Variants in NDST1 observed in about 807,000 individuals in gnomAD.
NDST1 encodes the protein N-deacetylase and N-sulfotransferase 1, also known as bifunctional heparan sulfate N-deacetylase/N-sulfotransferase 1.
In NDST1, 35 loss-of-function variants were observed where a neutral mutation model predicts 92.8. The ratio of observed to expected loss-of-function variants is 0.38; its 90% CI spans 0.29 to 0.50. NDST1 has a LOEUF of 0.50. Among genes scored for constraint, NDST1 ranks in the 20% least tolerant of loss-of-function variants. The pLI is 0.94. For missense variants in NDST1, 822 were observed against 1,182.7 expected (o/e 0.69, Z 4.47); for synonymous variants, 493 against 500.3 (o/e 0.99, Z 0.19).
At chr5:150,518,779 A>G (rs1233460140) in intron 1 of NDST1, 1 of 143,038 alleles carries the variant, frequency 7.0e-6, no homozygotes, top group Non-Finnish European at 1.5e-5. Context: ...TTGTATTATA[A>G]TTGCTTTTTT....
chr5:150,549,546 G>A (rs1755633024), intron 12 of NDST1, 132 bp from the exon 13 acceptor site: 4 of 699,786 alleles, frequency 5.7e-6, no homozygotes, highest in Non-Finnish European at 1.1e-5. Flanking sequence ...CCCTTCAACA[G>A]GGGAGGAGGA....
chr5:150,511,670 T>C lies in NDST1; in HGVS notation c.-388+3444T>C, dbSNP rs550535199. Among the ~76,000 whole-genome samples, 240 of 152,100 alleles carry C rather than the reference T, an allele frequency of 1.6e-3. 2 individuals carry two copies. The highest frequency in any genetic ancestry group is 5.5e-3 in the African/African-American group (229 of 41,474). ...CCAACAGTCTCTTTCCCGGTGGTGG[T>C]GGTCCTGGACTCTGGGGTGACTGAC... On this transcript the variant is annotated intron_variant, in intron 1 of 14. Transcript: ENST00000261797.
In NDST1 at chr5:150,527,809, T is replaced by C. The variant is rs1266171139; in HGVS notation, c.519T>C (p.Asn173=). 6.2e-7 allele frequency: 1 copy of C among 1,612,976 alleles called. No individual in the cohort carries two copies. The highest frequency in any genetic ancestry group is 8.5e-7 in the Non-Finnish European group (1 of 1,179,234). ...CTGCCCTCCATTGACTGCAGGCCAA[T>C]GAGAACAGCCTGCTGAGTGCGCAGC... ...GVGIIGFFKA[N]ENSLLSAQLK... The change falls in exon 3 of 15, where the codon AAT becomes AAC. Residue 173 remains asparagine (N), a synonymous_variant. Coordinates refer to ENST00000261797, the MANE Select transcript of NDST1 (RefSeq NM_001543.5).
chr5:150,539,985 T>C, intron 7 of NDST1, 97 bp from the exon 8 acceptor site: 1 of 1,494,014 alleles, frequency 6.7e-7, no homozygotes, highest in Non-Finnish European at 9.3e-7. Flanking sequence ...ATCAGGAGCC[T>C]TGCAAGCTAA....
intron 1 of NDST1, among the ~76,000 whole-genome samples, chr5:150,498,484 G>C (rs1176741546): frequency 6.6e-6 from 1 of 152,188 alleles, no homozygotes; most frequent in Non-Finnish European, 1.5e-5. Context: ...ACTCTGTGCT[G>C]GGCTTTCTAG....
At chr5:150,543,571 C>CT (rs1755343065) in intron 10 of NDST1, among the ~76,000 whole-genome samples, 1 of 152,110 alleles carries the variant, frequency 6.6e-6, no homozygotes, top group South Asian at 2.1e-4. Context: ...TTTTTTCTTT[C>CT]TTTTTAAAAA....
In NDST1 at chr5:150,525,653, G is replaced by A. The variant is rs558198951; in HGVS notation, c.514-2151G>A. 3.3e-5 allele frequency among the ~76,000 whole-genome samples: 5 copies of A among 152,314 alleles called. No homozygotes were observed. In the South Asian group the frequency reaches 8.3e-4, roughly 25 times the overall value. On this transcript the variant is annotated intron_variant, in intron 2 of 14. Coordinates refer to ENST00000261797, the MANE Select transcript of NDST1 (RefSeq NM_001543.5). ...ACTTAATGTGGTTTACAAGGCCAGG[G>A]CCCTGCAGAGCCTTTTTGGGAATTA...
chr5:150,520,453 T>A (rs1304839130), intron 1 of NDST1, among the ~76,000 whole-genome samples: 3 of 152,190 alleles, frequency 2.0e-5, no homozygotes, highest in African/African-American at 4.8e-5. Context: ...TATTCAGTCG[T>A]GATTTAGAAT....
chr5:150,501,924 G>A (rs115485411), intron 1 of NDST1, among the ~76,000 whole-genome samples: 7,151 of 152,246 alleles, frequency 0.047, 219 homozygotes, highest in Non-Finnish European at 0.076. Flanking sequence ...GGTGGCCCAC[G>A]GGAAATTGAG....
chr5:150,521,475 A>G lies in NDST1; in HGVS notation c.221A>G (p.Gln74Arg). Residue 74 changes from glutamine (Q) to arginine (R), a missense_variant, in exon 2 of 15, where the codon CAG (glutamine) becomes CGG (arginine). Transcript: ENST00000261797. This position sits in a 1 kb window ranked among gnomAD's most constrained non-coding sequence, Gnocchi z 5.9. ...PSRLLPLKPV[Q>R]AATPSRTDPL... ...CGCCTGCTGCCACTCAAGCCTGTGC[A>G]GGCAGCCACCCCTTCCCGCACAGAC... 6.2e-7 allele frequency: 1 copy of G among 1,613,896 alleles called. No homozygotes were observed. The highest frequency in any genetic ancestry group is 1.3e-5 in the African/African-American group (1 of 75,030).
intron 2 of NDST1, among the ~76,000 whole-genome samples, chr5:150,522,645 C>A (rs556975074): frequency 2.2e-4 from 33 of 152,222 alleles, no homozygotes; most frequent in Non-Finnish European, 8.8e-5. Context: ...TGGACAAAGT[C>A]CCTGCTGTCA....
At chr5:150,529,086 T>C (rs536511885) in intron 3 of NDST1, among the ~76,000 whole-genome samples, 2 of 152,138 alleles carry the variant, frequency 1.3e-5, no homozygotes, top group African/African-American at 4.8e-5. Flanking sequence ...GGAATGCATG[T>C]GTTTAATTCA....
intron 3 of NDST1, among the ~76,000 whole-genome samples, chr5:150,530,546 C>A (rs901939652): frequency 2.7e-5 from 4 of 148,530 alleles, no homozygotes; most frequent in African/African-American, 5.0e-5. Flanking sequence ...TATTAATTTT[C>A]CGTATTTTAA....
chr5:150,527,854 C>G lies in NDST1; in HGVS notation c.564C>G (p.Phe188Leu). The change falls in exon 3 of 15, where the codon TTC becomes TTG. Residue 188 changes from phenylalanine to leucine, a missense_variant. Transcript: ENST00000261797. ...CGCAGCTCAAGGGCTTCCCCCTGTT[C>G]CTGCACTCAAACCTGGGCCTGAAGG... ...LSAQLKGFPL[F>L]LHSNLGLKDC... 6.2e-7 allele frequency: 1 copy of G among 1,614,196 alleles called. No homozygotes were observed. Among genetic ancestry groups the G allele is most frequent in the Non-Finnish European group, 8.5e-7 (1 of 1,180,038 alleles).
upstream of NDST1, among the ~76,000 whole-genome samples, chr5:150,507,078 A>T (rs1753492065): frequency 6.6e-6 from 1 of 152,028 alleles, no homozygotes; most frequent in Non-Finnish European, 1.5e-5. Flanking sequence ...TCTTTCTGTC[A>T]CCACTGCTGG....
At chr5:150,529,548 C>G (rs1754629934) in intron 3 of NDST1, among the ~76,000 whole-genome samples, 1 of 152,194 alleles carries the variant, frequency 6.6e-6, no homozygotes, top group African/African-American at 2.4e-5. Flanking sequence ...TTCATCTACT[C>G]ACTATTTTAT....
At chr5:150,520,567 A>G (rs543042453) in intron 1 of NDST1, among the ~76,000 whole-genome samples, 4 of 152,190 alleles carry the variant, frequency 2.6e-5, no homozygotes, top group Non-Finnish European at 5.9e-5. Context: ...AATGATCAAA[A>G]ATAGCAACTC....
intron 11 of NDST1, 27 bp from the exon 12 acceptor site, chr5:150,548,191 A>G (rs1252060094): frequency 2.5e-6 from 4 of 1,614,038 alleles, no homozygotes. Context: ...TCCAAGTGGC[A>G]TGCTGACCCT....
At chr5:150,511,750 G>T (rs1286165503) in intron 1 of NDST1, among the ~76,000 whole-genome samples, 1 of 152,112 alleles carries the variant, frequency 6.6e-6, no homozygotes, top group African/African-American at 2.4e-5. Flanking sequence ...GGGGGATGGG[G>T]CATGTAGCAG....
Sources: allele counts gnomAD v4.1 joint callset (sites outside exome capture counted in the v4.1 genomes callset), GRCh38; gene constraint gnomAD v4.1.1; non-coding constraint Gnocchi (gnomAD v3.1); transcripts MANE v1.5; gene names NCBI Gene and HGNC (gene_info 2026-07-23, HGNC 2026-07-21).